Variants in CIROZ observed in about 807,000 individuals in gnomAD.
The protein encoded by CIROZ is ciliated left-right organizer protein containing ZP-N domains, also known as ciliated left-right organizer ZP-N domains-containing protein.
At chr1:10,947,911 C>T in the CIROZ span, 3 of 1,613,736 alleles carry the variant, frequency 1.9e-6, no homozygotes, top group Non-Finnish European at 2.5e-6. Flanking sequence ...TCCTGGCCCA[C>T]AGGCCAGCCA....
chr1:10,962,433 C>T, the CIROZ span, among the ~76,000 whole-genome samples: 123 of 152,216 alleles, frequency 8.1e-4, no homozygotes, highest in Middle Eastern at 3.4e-3. Flanking sequence ...GGTGACAGAA[C>T]GAGACTGCAT....
At chr1:10,979,283 C>T in the CIROZ span, among the ~76,000 whole-genome samples, 1 of 151,928 alleles carries the variant, frequency 6.6e-6, no homozygotes, top group Non-Finnish European at 1.5e-5. Flanking sequence ...TGTGGGCCAC[C>T]GCACCCAGGG....
At chr1:10,975,987 G>A in the CIROZ span, among the ~76,000 whole-genome samples, 1 of 152,146 alleles carries the variant, frequency 6.6e-6, no homozygotes, top group East Asian at 1.9e-4. Flanking sequence ...CAGGAATGCC[G>A]CTTCCTTGTT....
the CIROZ span, among the ~76,000 whole-genome samples, chr1:10,955,800 C>T: frequency 1.4e-5 from 2 of 147,716 alleles, no homozygotes; most frequent in African/African-American, 5.0e-5. Flanking sequence ...GCCGAGATCG[C>T]ACCACTGCAC....
chr1:10,952,386 T>C, the CIROZ span, among the ~76,000 whole-genome samples: 4 of 152,176 alleles, frequency 2.6e-5, no homozygotes, highest in Non-Finnish European at 5.9e-5. Flanking sequence ...CTGTTGCTGA[T>C]CTATTTTTAT....
At chr1:10,960,903 G>C in the CIROZ span, among the ~76,000 whole-genome samples, 1 of 152,168 alleles carries the variant, frequency 6.6e-6, no homozygotes, top group Admixed American at 6.5e-5. This position sits in a 1 kb window ranked among gnomAD's most constrained non-coding sequence, Gnocchi z 4.6. Context: ...GTTCTCAGAT[G>C]GGGGAAGGGG....
At chr1:10,951,839 A>G in the CIROZ span, among the ~76,000 whole-genome samples, 1 of 151,150 alleles carries the variant, frequency 6.6e-6, no homozygotes, top group Non-Finnish European at 1.5e-5. Flanking sequence ...CAGACCAGAC[A>G]CTTCAATAAT....
the CIROZ span, among the ~76,000 whole-genome samples, chr1:10,966,721 G>A: frequency 6.6e-5 from 10 of 152,062 alleles, no homozygotes; most frequent in African/African-American, 1.9e-4. Context: ...GTGAATCCTC[G>A]GCTTGTGTCA....
chr1:10,973,746 C>T, the CIROZ span, among the ~76,000 whole-genome samples: 1 of 152,114 alleles, frequency 6.6e-6, no homozygotes, highest in East Asian at 1.9e-4. Context: ...CAGATCCAGG[C>T]CTCCTGCTCT....
chr1:10,964,103 C>T, the CIROZ span: 1 of 1,609,520 alleles, frequency 6.2e-7, no homozygotes. Flanking sequence ...CCTCTGCCAC[C>T]TCCCAGACCC....
chr1:10,947,059 G>A, the CIROZ span, among the ~76,000 whole-genome samples: 1 of 152,196 alleles, frequency 6.6e-6, no homozygotes, highest in Non-Finnish European at 1.5e-5. Context: ...CACGCCAAAT[G>A]CTCTACGTTC....
At chr1:10,964,851 G>A in the CIROZ span, among the ~76,000 whole-genome samples, 1 of 152,170 alleles carries the variant, frequency 6.6e-6, no homozygotes, top group Admixed American at 6.5e-5. Context: ...GGCTGGTGTT[G>A]AACTCCTGGC....
At chr1:10,949,477 A>T in the CIROZ span, 1 of 919,850 alleles carries the variant, frequency 1.1e-6, no homozygotes, top group Non-Finnish European at 1.6e-6. Flanking sequence ...TTGAGGAGGT[A>T]ACATGGTTGG....
At chr1:10,974,823 T>C in the CIROZ span, among the ~76,000 whole-genome samples, 1 of 152,182 alleles carries the variant, frequency 6.6e-6, no homozygotes, top group Admixed American at 6.5e-5. The surrounding 1 kb of genome is among the most constrained non-coding windows in gnomAD (Gnocchi z 4.4). Flanking sequence ...GTAACACAGC[T>C]TTTCTGAGCT....
chr1:10,955,609 G>A, the CIROZ span, among the ~76,000 whole-genome samples: 2 of 152,090 alleles, frequency 1.3e-5, no homozygotes, highest in South Asian at 2.1e-4. Context: ...TTGGGAGGCC[G>A]AGGTGGGTGG....
At chr1:10,963,617 C>T in the CIROZ span, among the ~76,000 whole-genome samples, 3 of 151,978 alleles carry the variant, frequency 2.0e-5, no homozygotes, top group Non-Finnish European at 4.4e-5. Context: ...AAGGAGCACA[C>T]ACGGCCATGA....
chr1:10,952,708 C>T, the CIROZ span, among the ~76,000 whole-genome samples: 2 of 152,158 alleles, frequency 1.3e-5, no homozygotes, highest in Non-Finnish European at 2.9e-5. Flanking sequence ...GACAGGGTTT[C>T]GCCATGTTGG....
At chr1:10,962,971 T>C in the CIROZ span, among the ~76,000 whole-genome samples, 1 of 151,836 alleles carries the variant, frequency 6.6e-6, no homozygotes, top group Non-Finnish European at 1.5e-5. Context: ...AATTTGAACA[T>C]TAGCTGGGCA....
the CIROZ span, among the ~76,000 whole-genome samples, chr1:10,969,260 C>A: frequency 6.6e-6 from 1 of 152,086 alleles, no homozygotes; most frequent in Non-Finnish European, 1.5e-5. Context: ...AGATGCAGAG[C>A]ATGGAGGGAA....
Sources: gnomAD v4.1 joint callset for allele counts (sites outside exome capture counted in the v4.1 genomes callset) on GRCh38, gnomAD v4.1.1 for gene constraint, Gnocchi (gnomAD v3.1) non-coding constraint, MANE v1.5 for transcripts, NCBI Gene and HGNC (gene_info 2026-07-23, HGNC 2026-07-21) for gene names.